Variants in R3HCC1 observed in about 807,000 individuals in gnomAD.
The protein encoded by R3HCC1 is R3H and coiled-coil domain-containing protein 1.
Under a neutral mutation model 40.0 loss-of-function variants are expected in R3HCC1, and 32 were observed. The observed-to-expected ratio is 0.80, with a 90% CI of 0.60 to 1.07. The LOEUF is 1.07. R3HCC1 is among the 50% of genes least tolerant of loss of function. The pLI is 0.00. For synonymous variants in R3HCC1, 237 were observed against 232.8 expected, an observed-to-expected ratio of 1.02 and a Z score of -0.17; for missense variants, 586 against 563.3, an observed-to-expected ratio of 1.04 and a Z score of -0.41.
intron 4 of R3HCC1, among the ~76,000 whole-genome samples, 199 bp downstream of exon 4, chr8:23,290,668 C>T (rs1802848610): frequency 6.6e-6 from 1 of 152,142 alleles, no homozygotes; most frequent in East Asian, 1.9e-4. Flanking sequence ...CATGTAGGAG[C>T]TGCTTGACCC....
chr8:23,294,779 C>T lies in R3HCC1; in HGVS notation c.1107C>T (p.Ala369=). ...GCTTTCTTTCCACAGCTGCGGAAGC[C>T]CTGACCCGGGAGTTCTCGGTGCTCA... The change falls in exon 7 of 8, where the codon GCC becomes GCT. Residue 369 remains alanine, a synonymous_variant. Transcript: ENST00000265806. 6.4e-7 allele frequency: 1 copy of T among 1,551,158 alleles called. No individual in the cohort carries two copies. The highest frequency in any genetic ancestry group is 8.7e-7 in the Non-Finnish European group (1 of 1,146,878).
At chr8:23,294,938 T>C (rs1802964482) in intron 7 of R3HCC1, 74 bp downstream of exon 7, 10 of 1,022,058 alleles carry the variant, frequency 9.8e-6, no homozygotes, top group African/African-American at 3.2e-5. Context: ...TGTGTGTGCG[T>C]GTGTGTGTGT....
At chr8:23,291,734 T>C (rs1167852223) in intron 5 of R3HCC1, among the ~76,000 whole-genome samples, 1 of 152,250 alleles carries the variant, frequency 6.6e-6, no homozygotes, top group African/African-American at 2.4e-5. Flanking sequence ...GATTTGTTGG[T>C]TGTAGACACA....
intron 5 of R3HCC1, 40 bp downstream of exon 5, chr8:23,291,573 C>G (rs1210183533): frequency 1.3e-6 from 2 of 1,546,138 alleles, no homozygotes; most frequent in Non-Finnish European, 1.7e-6. Flanking sequence ...CAGAGAGGAG[C>G]TAAGATACTT....
At chr8:23,294,470 T>G (rs1463378722) in intron 6 of R3HCC1, among the ~76,000 whole-genome samples, 1 of 152,072 alleles carries the variant, frequency 6.6e-6, no homozygotes, top group East Asian at 1.9e-4. Flanking sequence ...CCCTGGGGCT[T>G]TGGAAACTGG....
chr8:23,291,588 G>C, intron 5 of R3HCC1, 55 bp downstream of exon 5: 2 of 1,536,586 alleles, frequency 1.3e-6, no homozygotes, highest in Non-Finnish European at 1.8e-6. Flanking sequence ...ATACTTCTCT[G>C]TAGCTGGGGG....
chr8:23,290,355 GGA>G lies in R3HCC1; in HGVS notation c.742_743del (p.Leu249ValfsTer31), dbSNP rs769104993. 6.4e-7 allele frequency: 1 copy of G among 1,551,896 alleles called. No homozygotes were observed. ...TGCAGCTAGACCTGGAAAAGGGGAA[GGA>G]GAGTCTGTTGGAGAAGAGGCTGGTG... On this transcript the variant is annotated frameshift_variant, in exon 4 of 8. Transcript: ENST00000265806. LOFTEE classifies it high-confidence loss of function.
chr8:23,288,950 G>T, intron 2 of R3HCC1, 66 bp from the exon 3 acceptor site: 1 of 1,506,836 alleles, frequency 6.6e-7, no homozygotes, highest in South Asian at 1.2e-5. Flanking sequence ...CGATTAACCT[G>T]GGAGTGGACC....
chr8:23,295,445 C>T (rs944045205), intron 7 of R3HCC1: 5 of 457,018 alleles, frequency 1.1e-5, no homozygotes, highest in African/African-American at 8.0e-5. Flanking sequence ...CTCCTTTTCC[C>T]CTTCTACTTC....
rs909679213 is a variant in R3HCC1, at chr8:23,296,010, T to G, written c.1236T>G (p.Thr412=). ...AGGAGAGGCCACAGACAAATGCGAC[T>G]GTGGCCCGGCGGCTGGTGGCCCGGG... The change falls in exon 8 of 8, where the codon ACT becomes ACG. Residue 412 remains threonine, a synonymous_variant. Coordinates refer to ENST00000265806, the MANE Select transcript of R3HCC1 (RefSeq NM_001136108.3). 4 of 1,550,962 alleles carry G rather than the reference T, an allele frequency of 2.6e-6. No homozygotes were observed. The highest frequency in any genetic ancestry group is 1.2e-5 in the South Asian group (1 of 84,046).
chr8:23,292,604 A>C (rs1185746994), intron 5 of R3HCC1, among the ~76,000 whole-genome samples: 1 of 149,992 alleles, frequency 6.7e-6, no homozygotes, highest in East Asian at 2.0e-4. Context: ...ACAGTGCGAG[A>C]CTCCCTCTCA....
chr8:23,295,707 C>T (rs1802995678), intron 7 of R3HCC1: 2 of 559,310 alleles, frequency 3.6e-6, no homozygotes, highest in Non-Finnish European at 6.4e-6. Flanking sequence ...GGATGAACCC[C>T]TCAGCCCCCT....
rs1342803531 is a variant in R3HCC1, at chr8:23,291,555, G to A, written c.1025+22G>A. ...TCCAGTGAGTGGTGGCTGGGGAGGT[G>A]CTGCCTTCAGAGAGGAGCTAAGATA... On this transcript the variant is annotated intron_variant, in intron 5 of 7. Transcript: ENST00000265806. The A allele has an allele frequency of 3.2e-6, 5 of 1,549,050 alleles. No homozygotes were observed. In the African/African-American group the frequency reaches 6.9e-5, roughly 21 times the overall value.
rs766895029 is a variant in R3HCC1, at chr8:23,288,561, C to A, written c.38C>A (p.Ser13Ter). ...TGCTTGGATGGTGTCTTCCTCTCCT[C>A]AGCCGAGAATGACTTCGTCCACCGG... The change falls in exon 2 of 8, where the codon TCA becomes TAA. Residue 13 changes from serine (S) to a stop codon, truncating the protein, a stop_gained. Coordinates refer to ENST00000265806, the MANE Select transcript of R3HCC1 (RefSeq NM_001136108.3). LOFTEE classifies it high-confidence loss of function. 1.3e-6 allele frequency: 2 copies of A among 1,535,918 alleles called. No homozygotes were observed. Among genetic ancestry groups the A allele is most frequent in the Non-Finnish European group, 1.7e-6 (2 of 1,146,890 alleles).
chr8:23,294,744 C>G (rs78056058), intron 6 of R3HCC1, 25 bp from the exon 7 acceptor site: 20,007 of 1,537,482 alleles, frequency 0.013, 172 homozygotes, highest in Middle Eastern at 0.016. Flanking sequence ...GAGGGAGTGG[C>G]TCCACGCCTG....
In R3HCC1 at chr8:23,291,480, CTT is replaced by C; in HGVS notation, c.974_975del (p.Phe325Ter). 3.2e-6 allele frequency: 5 copies of C among 1,551,628 alleles called. No homozygotes were observed. Among genetic ancestry groups the C allele is most frequent in the Non-Finnish European group, 4.4e-6 (5 of 1,146,968 alleles). ...TTGCCCACGTGGTAGAGATCTATGA[CTT>C]TGAACCAGCGCTCAAGACGGAGGAC... On this transcript the variant is annotated frameshift_variant, in exon 5 of 8. Coordinates refer to ENST00000265806, the MANE Select transcript of R3HCC1 (RefSeq NM_001136108.3). LOFTEE classifies it high-confidence loss of function.
chr8:23,288,397 A>T, intron 1 of R3HCC1, 109 bp from the exon 2 acceptor site: 1 of 1,425,120 alleles, frequency 7.0e-7, no homozygotes, highest in Non-Finnish European at 9.4e-7. Flanking sequence ...CCCGCCACCG[A>T]GCCTTGGACC....
At chr8:23,295,831 C>A in intron 7 of R3HCC1, 136 bp from the exon 8 acceptor site, 2 of 1,276,940 alleles carry the variant, frequency 1.6e-6, no homozygotes, top group Non-Finnish European at 2.1e-6. Flanking sequence ...GGCCACACCA[C>A]GGGCACAGCT....
intron 4 of R3HCC1, among the ~76,000 whole-genome samples, chr8:23,290,764 G>T (rs1020075443): frequency 6.6e-6 from 1 of 152,200 alleles, no homozygotes; most frequent in African/African-American, 2.4e-5. Context: ...CTAGGTCATG[G>T]AGATGGACTC....
Sources: allele counts gnomAD v4.1 joint callset (sites outside exome capture counted in the v4.1 genomes callset), GRCh38; gene constraint gnomAD v4.1.1; transcripts MANE v1.5; gene names NCBI Gene and HGNC (gene_info 2026-07-23, HGNC 2026-07-21).